The following PIGH variants were observed in gnomAD, a reference collection of about 807,000 sequenced individuals.
The protein encoded by PIGH is phosphatidylinositol N-acetylglucosaminyltransferase subunit H.
PIGH carries 11 observed loss-of-function variants against 20.1 expected under a neutral mutation model. The ratio of observed to expected loss-of-function variants is 0.55; its 90% confidence interval spans 0.34 to 0.91. The LOEUF is 0.91. PIGH is among the 40% of genes least tolerant of loss of function. The pLI, the probability that PIGH is intolerant of heterozygous loss-of-function variation, is 0.02. For synonymous variants in PIGH, 72 were observed against 93.1 expected (o/e 0.77, Z 1.31); for missense variants, 189 against 233.6 (o/e 0.81, Z 1.24).
At chr14:67,597,257 C>G (rs367748483) in intron 1 of PIGH, among the ~76,000 whole-genome samples, 1 of 152,188 alleles carries the variant, frequency 6.6e-6, no homozygotes, top group South Asian at 2.1e-4. Flanking sequence ...ATGGGGGGAT[C>G]GCTTGAGGCC....
At chr14:67,594,648 CA>C (rs201119278) in intron 1 of PIGH, among the ~76,000 whole-genome samples, 320 of 135,596 alleles carry the variant, frequency 2.4e-3, no homozygotes, top group Non-Finnish European at 3.5e-3. Flanking sequence ...TGAGACATCT[CA>C]AAAAAAAAAA....
At chr14:67,598,357 T>C (rs2036511815) in intron 1 of PIGH, among the ~76,000 whole-genome samples, 2 of 152,102 alleles carry the variant, frequency 1.3e-5, no homozygotes, top group African/African-American at 4.8e-5. Context: ...GGCTTTTGTT[T>C]TTAAATTTTG....
Position 67,592,654 on chromosome 14 carries a change from T to C in PIGH, c.455A>G (p.Gln152Arg). ...GCTCACCTGGAAGACGGGTACTACT[T>C]GGGATATCCCATGTGGTTCCACTGG... Reference protein sequence around the residue: ...KDPVEPHGISQVVPVFQSAKP... With the variant: ...KDPVEPHGISRVVPVFQSAKP... The change falls in exon 3 of 4, where the codon CAA (glutamine) becomes CGA (arginine). Residue 152 changes from glutamine to arginine, a missense_variant. Physicochemically the swap from Gln to Arg is conservative, Grantham distance 43. Transcript: ENST00000216452. The C allele has an allele frequency of 6.2e-7, 1 of 1,604,002 alleles. No individual in the cohort carries two copies. Among genetic ancestry groups the C allele is most frequent in the Non-Finnish European group, 8.5e-7 (1 of 1,172,338 alleles).
Position 67,589,432 on chromosome 14 carries a change from A to T in PIGH, c.*648T>A, listed in dbSNP as rs897132259. 2.8e-5 allele frequency: 27 copies of T among 964,152 alleles called. No individual in the cohort carries two copies. The highest frequency in any genetic ancestry group is 3.2e-5 in the Non-Finnish European group (26 of 811,104). The allele number at this position is 964,152 out of a possible 1,614,324, so 59.7% of individuals were successfully genotyped here. A position where few individuals can be genotyped will look rare whatever the true frequency, so the allele number is the denominator to read the frequency against. On this transcript the variant is annotated 3_prime_UTR_variant, in exon 4 of 4. Coordinates refer to ENST00000216452, the MANE Select transcript of PIGH (RefSeq NM_004569.5). ...GCAAAAGTAGCTTTTGAACTGATAT[A>T]AAAAAAAATGCTGAGTAACAGAAAA... is the stretch of plus-strand genomic sequence containing the variant.
At chr14:67,597,930 T>C (rs188025766) in intron 1 of PIGH, among the ~76,000 whole-genome samples, 460 of 152,244 alleles carry the variant, frequency 3.0e-3, no homozygotes, top group Non-Finnish European at 5.5e-3. Flanking sequence ...GGAACTTTAA[T>C]AGAACTGTGA....
At position 67,589,790 on chromosome 14, in the gene PIGH, T is replaced by C; in HGVS notation, c.*290A>G. The C allele has an allele frequency of 9.1e-7, 1 of 1,099,070 alleles. No individual in the cohort carries two copies. Among genetic ancestry groups the C allele is most frequent in the Non-Finnish European group, 1.1e-6 (1 of 904,140 alleles). The allele number at this position is 1,099,070 out of a possible 1,614,324, so 68.1% of individuals were successfully genotyped here. A position where few individuals can be genotyped will look rare whatever the true frequency, so the allele number is the denominator to read the frequency against. On this transcript the variant is annotated 3_prime_UTR_variant, in exon 4 of 4. Coordinates refer to ENST00000216452, the MANE Select transcript of PIGH (RefSeq NM_004569.5). ...AAGTAAACCTGAACATGCTTAGCAA[T>C]TTCCGAAAGTGTTCTTTGCTGACAT...
Position 67,589,570 on chromosome 14 carries a change from T to C in PIGH, c.*510A>G, listed in dbSNP as rs2036304556. On this transcript the variant is annotated 3_prime_UTR_variant, in exon 4 of 4. Transcript: ENST00000216452. ...TTTTGGAAGATCTGTTTATTAACAG[T>C]AAATAAATAAGCCCTGTACAGAACA... The C allele has an allele frequency of 5.1e-6, 5 of 985,452 alleles. No individual in the cohort carries two copies. The highest frequency in any genetic ancestry group is 5.2e-4 in the Middle Eastern group (1 of 1,916). The allele number at this position is 985,452 out of a possible 1,614,324, so 61.0% of individuals were successfully genotyped here. A position where few individuals can be genotyped will look rare whatever the true frequency, so the allele number is the denominator to read the frequency against.
chr14:67,600,175 A>G lies in PIGH; in HGVS notation c.29T>C (p.Ile10Thr). Residue 10 changes from isoleucine (I) to threonine (T), a missense_variant, in exon 1 of 4, where the codon ATC becomes ACC. Transcript: ENST00000216452. Reference sequence around the variant, plus strand: ...CTGCAGCGCCAGGCGGCCGCCGCAGATATCCGAAAAGCTCCGCTCATCCTC... The same window carrying G: ...CTGCAGCGCCAGGCGGCCGCCGCAGGTATCCGAAAAGCTCCGCTCATCCTC... MEDERSFSD[I>T]CGGRLALQRR... The G allele has an allele frequency of 6.3e-7, 1 of 1,589,140 alleles. No individual in the cohort carries two copies. Among genetic ancestry groups the G allele is most frequent in the Non-Finnish European group, 8.6e-7 (1 of 1,168,566 alleles).
chr14:67,592,766 G>T, intron 2 of PIGH, 48 bp from the exon 3 acceptor site: 1 of 1,135,490 alleles, frequency 8.8e-7, no homozygotes, highest in Non-Finnish European at 1.3e-6. Flanking sequence ...AACTCATTTT[G>T]CATTCTTTTT....
At chr14:67,596,637 G>C (rs940359605) in intron 1 of PIGH, among the ~76,000 whole-genome samples, 1 of 152,018 alleles carries the variant, frequency 6.6e-6, no homozygotes, top group Non-Finnish European at 1.5e-5. Context: ...CATCTTTGTT[G>C]GGCCTGCACT....
At chr14:67,594,861 T>TA (rs1188574330) in intron 1 of PIGH, among the ~76,000 whole-genome samples, 3 of 151,928 alleles carry the variant, frequency 2.0e-5, no homozygotes, top group African/African-American at 4.8e-5. Flanking sequence ...TCAGAACACT[T>TA]ACATTAGGCC....
chr14:67,598,200 GAAA>G (rs2036508341), intron 1 of PIGH, among the ~76,000 whole-genome samples: 1 of 152,166 alleles, frequency 6.6e-6, no homozygotes. Context: ...GGAAAGGTAA[GAAA>G]TTTTGGCACA....
chr14:67,598,798 C>T (rs2036520418), intron 1 of PIGH, among the ~76,000 whole-genome samples: 1 of 151,792 alleles, frequency 6.6e-6, no homozygotes, highest in African/African-American at 2.4e-5. Flanking sequence ...CTACCTCCAC[C>T]TCCCAGGTTC....
At chr14:67,590,249 ATT>A (rs34186099) in intron 3 of PIGH, 77 bp from the exon 4 acceptor site, 64,620 of 717,750 alleles carry the variant, frequency 0.09, 1 homozygote, top group South Asian at 0.12. Flanking sequence ...CCACTTGCAA[ATT>A]TTTTTTTTTT....
chr14:67,592,754 G>A, intron 2 of PIGH, 36 bp from the exon 3 acceptor site: 1 of 1,227,236 alleles, frequency 8.1e-7, no homozygotes, highest in Non-Finnish European at 1.2e-6. Context: ...AAGTCTAAGT[G>A]AAACTCATTT....
chr14:67,595,880 G>A (rs1242457365), intron 1 of PIGH, among the ~76,000 whole-genome samples: 2 of 152,126 alleles, frequency 1.3e-5, no homozygotes, highest in African/African-American at 2.4e-5. Flanking sequence ...CGTGAACTCT[G>A]GAGCCCTCCT....
Position 67,589,982 on chromosome 14 carries a change from CTG to C in PIGH, c.*96_*97del. The C allele has an allele frequency of 6.9e-7, 1 of 1,439,114 alleles. No homozygotes were observed. The highest frequency in any genetic ancestry group is 9.1e-7 in the Non-Finnish European group (1 of 1,093,774). The allele number at this position is 1,439,114 out of a possible 1,614,324, so 89.1% of individuals were successfully genotyped here. ...ACTACATCCATAATGGTTCCTAGGA[CTG>C]TGTCCACCTGATGGTTTGGAGTACG... On this transcript the variant is annotated 3_prime_UTR_variant, in exon 4 of 4. Coordinates refer to ENST00000216452, the MANE Select transcript of PIGH (RefSeq NM_004569.5).
chr14:67,593,906 A>G lies in PIGH; in HGVS notation c.227T>C (p.Leu76Pro). The part of the protein sequence containing the change: ...SAAIFITLLG[L>P]LGYLHFVKID... ...CTTCACAAAATGGAGATAACCAAGC[A>G]GACCTAAGAGGGTGATGAAGATGGC... The change falls in exon 2 of 4, where the codon CTG (leucine) becomes CCG (proline). Residue 76 changes from leucine (L) to proline (P), a missense_variant. Physicochemically the swap from Leu to Pro is moderately conservative, Grantham distance 98. Transcript: ENST00000216452. 6.2e-7 allele frequency: 1 copy of G among 1,613,764 alleles called. No homozygotes were observed. Among genetic ancestry groups the G allele is most frequent in the Non-Finnish European group, 8.5e-7 (1 of 1,179,706 alleles).
chr14:67,593,201 A>T (rs1188609465), intron 2 of PIGH: 1 of 162,270 alleles, frequency 6.2e-6, no homozygotes, highest in Non-Finnish European at 1.3e-5. Context: ...TAAATGAAAA[A>T]AGACAGGGCC....
Sources: allele counts gnomAD v4.1 joint callset (sites outside exome capture counted in the v4.1 genomes callset), GRCh38; gene constraint gnomAD v4.1.1; transcripts MANE v1.5; gene names NCBI Gene and HGNC (gene_info 2026-07-23, HGNC 2026-07-21).